PPP1R13B: variants seen among roughly 807,000 people sequenced by gnomAD.
PPP1R13B encodes apoptosis-stimulating of p53 protein 1.
Under a neutral mutation model 119.8 loss-of-function variants are expected in PPP1R13B, and 44 were observed. The observed-to-expected ratio is 0.37, with a 90% confidence interval of 0.29 to 0.47. The LOEUF (loss-of-function observed/expected upper bound fraction) is 0.47, where lower values mean the gene tolerates loss of function less well. Ranked by LOEUF, PPP1R13B falls within the 20% of genes least tolerant of loss-of-function variation. The probability of loss-of-function intolerance (pLI) is 0.99; values close to 1 mark genes in which losing one functional copy is unlikely to be tolerated. For synonymous variants in PPP1R13B, 542 were observed against 561.5 expected (o/e 0.97, Z 0.49); for missense variants, 1,227 against 1,413.5 (o/e 0.87, Z 2.12).
At chr14:103,799,982 C>T (rs2085860245) in intron 1 of PPP1R13B, among the ~76,000 whole-genome samples, 1 of 151,846 alleles carries the variant, frequency 6.6e-6, no homozygotes, top group Non-Finnish European at 1.5e-5. Context: ...ACCCGGGAGG[C>T]ATGAGGTTGC....
intron 2 of PPP1R13B, among the ~76,000 whole-genome samples, chr14:103,785,352 G>T (rs896954462): frequency 6.6e-6 from 1 of 152,026 alleles, no homozygotes; most frequent in Admixed American, 6.6e-5. Flanking sequence ...CCAAGTAGCT[G>T]AAATCACAGG....
At chr14:103,842,529 C>T (rs550253949) in intron 1 of PPP1R13B, among the ~76,000 whole-genome samples, 1 of 151,752 alleles carries the variant, frequency 6.6e-6, no homozygotes, top group South Asian at 2.1e-4. Context: ...TCTTGAACTC[C>T]TGACCTCAGG....
Position 103,839,135 on chromosome 14 carries a change from C to T in PPP1R13B, c.9+8164G>A, listed in dbSNP as rs567917633. On this transcript the variant is annotated intron_variant, in intron 1 of 16. Coordinates refer to ENST00000202556, the MANE Select transcript of PPP1R13B (RefSeq NM_015316.3). Reference sequence around the variant, plus strand: ...TCAAGCGATTCTCCTGCCTCAGCCTCCCAAGTAGCTGTGATTACAGGCACG... The same window carrying T: ...TCAAGCGATTCTCCTGCCTCAGCCTTCCAAGTAGCTGTGATTACAGGCACG... Among the ~76,000 whole-genome samples, 5 of 152,254 alleles carry T rather than the reference C, an allele frequency of 3.3e-5. No homozygotes were observed. In the East Asian group the frequency reaches 9.7e-4, roughly 30 times the overall value.
chr14:103,829,455 T>TA (rs2086621524), intron 1 of PPP1R13B, among the ~76,000 whole-genome samples: 1 of 152,214 alleles, frequency 6.6e-6, no homozygotes, highest in Non-Finnish European at 1.5e-5. Flanking sequence ...AAGGTCTTTC[T>TA]ATGTTGTTGC....
chr14:103,837,452 C>T (rs1397200813), intron 1 of PPP1R13B, among the ~76,000 whole-genome samples: 1 of 152,140 alleles, frequency 6.6e-6, no homozygotes, highest in Non-Finnish European at 1.5e-5. Flanking sequence ...AAAGGAAAGG[C>T]AAGCCTGGCT....
At chr14:103,810,715 G>A (rs1171462834) in intron 1 of PPP1R13B, among the ~76,000 whole-genome samples, 1 of 151,672 alleles carries the variant, frequency 6.6e-6, no homozygotes, top group African/African-American at 2.4e-5. Flanking sequence ...CGCTTGCAGT[G>A]AGCCGAGATC....
intron 1 of PPP1R13B, chr14:103,846,953 G>A (rs1016888351): frequency 8.3e-7 from 1 of 1,203,378 alleles, no homozygotes; most frequent in Non-Finnish European, 1.1e-6. Flanking sequence ...TTCGTTTCAG[G>A]CGGGTCACAG....
intron 1 of PPP1R13B, among the ~76,000 whole-genome samples, chr14:103,821,533 C>T (rs1346253313): frequency 1.3e-5 from 2 of 152,148 alleles, no homozygotes; most frequent in African/African-American, 4.8e-5. Context: ...GGGCGGATCA[C>T]CTGAGGTTGG....
At chr14:103,774,541 G>A (rs1365916249) in intron 4 of PPP1R13B, among the ~76,000 whole-genome samples, 1 of 152,146 alleles carries the variant, frequency 6.6e-6, no homozygotes, top group African/African-American at 2.4e-5. Context: ...CTGACTTGCT[G>A]GCCTACAATT....
At chr14:103,771,687 G>A (rs190642123) in intron 4 of PPP1R13B, among the ~76,000 whole-genome samples, 3 of 151,990 alleles carry the variant, frequency 2.0e-5, no homozygotes, top group East Asian at 3.9e-4. Context: ...CACCATGTTG[G>A]CCAGGCTAGT....
chr14:103,737,506 G>A (rs1402803006), intron 15 of PPP1R13B, 188 bp downstream of exon 15: 2 of 665,376 alleles, frequency 3.0e-6, no homozygotes, highest in Non-Finnish European at 4.7e-6. Context: ...AGCCCGGGAG[G>A]TCGAGGCTGC....
intron 3 of PPP1R13B, among the ~76,000 whole-genome samples, chr14:103,780,642 A>G (rs571038883): frequency 6.6e-6 from 1 of 151,624 alleles, no homozygotes; most frequent in South Asian, 2.1e-4. Flanking sequence ...GTGAAACCCC[A>G]TCTCTACTAA....
At position 103,745,254 on chromosome 14, in the gene PPP1R13B, C is replaced by A. The variant is rs2084358058; in HGVS notation, c.1150+1119G>T. Among the ~76,000 whole-genome samples the A allele has an allele frequency of 2.6e-5, 4 of 152,184 alleles. No homozygotes were observed. The South Asian group carries it at 8.3e-4, about 32-fold the overall frequency. ...GACCCAAGCTCCCCAGTGGGGGCAA[C>A]AGATGTGTCGCTGTCCCTCCTGGGG... On this transcript the variant is annotated intron_variant, in intron 9 of 16. Coordinates refer to ENST00000202556, the MANE Select transcript of PPP1R13B (RefSeq NM_015316.3).
Position 103,777,754 on chromosome 14 carries a change from A to C in PPP1R13B, c.354+991T>G, listed in dbSNP as rs141102880. Among the ~76,000 whole-genome samples the C allele has an allele frequency of 9.5e-4, 145 of 152,114 alleles. 3 individuals are homozygous for C. In the East Asian group the frequency reaches 0.021, roughly 22 times the overall value. On this transcript the variant is annotated intron_variant, in intron 4 of 16. Transcript: ENST00000202556. ...ATATCTACCCCCAAAATAATTATTT[A>C]AAAATAAGTTATCACCCAAACTCAT...
At position 103,733,478 on chromosome 14, in the gene PPP1R13B, C is replaced by G. The variant is rs1041122324; in HGVS notation, c.*1676G>C. 3 of 157,910 alleles carry G rather than the reference C, an allele frequency of 1.9e-5. No homozygotes were observed. The highest frequency in any genetic ancestry group is 6.3e-5 in the Admixed American group (1 of 15,976). 9.8% of individuals were successfully genotyped at this position (157,910 alleles called of 1,614,324 possible). A position where few individuals can be genotyped will look rare whatever the true frequency, so the allele number is the denominator to read the frequency against. ...TTACAGCACTTGCCTTAGCCTGTTT[C>G]ACAGACTTGTCCACTTACCTTGTCA... On this transcript the variant is annotated 3_prime_UTR_variant, in exon 17 of 17. Transcript: ENST00000202556.
At chr14:103,789,577 C>G (rs2085563554) in intron 2 of PPP1R13B, among the ~76,000 whole-genome samples, 1 of 149,876 alleles carries the variant, frequency 6.7e-6, no homozygotes, top group Admixed American at 6.7e-5. Context: ...TACAGTGGCG[C>G]CATCTTGGCT....
chr14:103,815,627 C>T (rs1212178542), intron 1 of PPP1R13B, among the ~76,000 whole-genome samples: 4 of 151,882 alleles, frequency 2.6e-5, no homozygotes, highest in African/African-American at 4.8e-5. Flanking sequence ...CGGTGGCGGG[C>T]GCCTGTAATC....
At chr14:103,802,387 T>TA (rs2085921093) in intron 1 of PPP1R13B, among the ~76,000 whole-genome samples, 1 of 152,110 alleles carries the variant, frequency 6.6e-6, no homozygotes, top group Non-Finnish European at 1.5e-5. Flanking sequence ...TTCAAATGAG[T>TA]AAAAAAATTT....
chr14:103,751,932 CCCTAAG>C (rs1170128859), intron 7 of PPP1R13B, among the ~76,000 whole-genome samples: 1 of 152,146 alleles, frequency 6.6e-6, no homozygotes, highest in Admixed American at 6.6e-5. Flanking sequence ...TAAAATATCA[CCCTAAG>C]TTTAATTCTT....
Sources: allele counts gnomAD v4.1 joint callset (sites outside exome capture counted in the v4.1 genomes callset), GRCh38; gene constraint gnomAD v4.1.1; transcripts MANE v1.5; gene names NCBI Gene and HGNC (gene_info 2026-07-23, HGNC 2026-07-21).